CSMD1: variants seen among roughly 807,000 people sequenced by gnomAD.
CSMD1 encodes CUB and Sushi multiple domains 1.
A neutral mutation model predicts 417.5 loss-of-function variants in CSMD1; 213 were observed. That is an observed-to-expected ratio of 0.51 (90% CI 0.46 to 0.57). The LOEUF (loss-of-function observed/expected upper bound fraction) is 0.57, where lower values mean the gene tolerates loss of function less well. Ranked by LOEUF, CSMD1 falls within the 20% of genes least tolerant of loss-of-function variation. CSMD1 has a pLI of 0.00. For synonymous variants in CSMD1, 2,862 were observed against 1,736.8 expected, an observed-to-expected ratio of 1.65 and a Z score of -16.11; for missense variants, 6,923 against 4,529.7, an observed-to-expected ratio of 1.53 and a Z score of -15.17.
chr8:3,805,314 C>G (rs1333139920), intron 5 of CSMD1, among the ~76,000 whole-genome samples: 2 of 152,132 alleles, frequency 1.3e-5, no homozygotes, highest in Non-Finnish European at 2.9e-5. Context: ...AGGACACCAG[C>G]CTCAAAGGCA....
intron 7 of CSMD1, among the ~76,000 whole-genome samples, chr8:3,619,594 G>GTTCATT (rs1458328614): frequency 6.6e-6 from 1 of 152,018 alleles, no homozygotes; most frequent in Non-Finnish European, 1.5e-5. Flanking sequence ...CAAATTCAAG[G>GTTCATT]AGATTAATGA....
At chr8:4,313,294 T>G (rs920276879) in intron 3 of CSMD1, among the ~76,000 whole-genome samples, 1 of 152,074 alleles carries the variant, frequency 6.6e-6, no homozygotes, top group African/African-American at 2.4e-5. Context: ...ATGCGAAGAA[T>G]CTGGTTAATA....
intron 8 of CSMD1, among the ~76,000 whole-genome samples, chr8:3,595,192 C>T (rs1427754687): frequency 6.6e-6 from 1 of 152,128 alleles, no homozygotes; most frequent in Non-Finnish European, 1.5e-5. Flanking sequence ...GGGACACGAT[C>T]CTAATAAGCA....
At chr8:3,459,872 T>TA (rs140950680) in intron 12 of CSMD1, among the ~76,000 whole-genome samples, 4,899 of 151,172 alleles carry the variant, frequency 0.032, 136 homozygotes, top group East Asian at 0.12. Flanking sequence ...AACTAAGACT[T>TA]AAAAAAAAAC....
chr8:4,543,670 T>C (rs1018952086), intron 2 of CSMD1, among the ~76,000 whole-genome samples: 2 of 71,056 alleles, frequency 2.8e-5, no homozygotes, highest in Non-Finnish European at 5.3e-5. Flanking sequence ...CGTTTAATTT[T>C]GAAAAAAAAA....
intron 4 of CSMD1, among the ~76,000 whole-genome samples, chr8:4,019,450 C>G (rs199592648): frequency 4.6e-5 from 1 of 21,720 alleles, no homozygotes; most frequent in Non-Finnish European, 8.5e-5. Flanking sequence ...GGGAACATTC[C>G]CTTATTAGGG....
intron 10 of CSMD1, among the ~76,000 whole-genome samples, chr8:3,558,669 G>C (rs574310312): frequency 9.7e-5 from 14 of 144,126 alleles, no homozygotes; most frequent in Non-Finnish European, 1.7e-4. Context: ...AATGATGAAC[G>C]GTGTCTCAAT....
intron 1 of CSMD1, among the ~76,000 whole-genome samples, chr8:4,851,633 G>C (rs960359093): frequency 1.3e-5 from 2 of 151,950 alleles, no homozygotes; most frequent in Non-Finnish European, 2.9e-5. Context: ...AATAATCTAT[G>C]GGATTACCTG....
At chr8:4,800,438 CAAAA>C (rs11463488) in intron 1 of CSMD1, among the ~76,000 whole-genome samples, 2 of 115,048 alleles carry the variant, frequency 1.7e-5, no homozygotes, top group Admixed American at 9.4e-5. Context: ...GACTTCATCT[CAAAA>C]AAAAAAAAAA....
chr8:3,325,902 C>T, intron 23 of CSMD1, among the ~76,000 whole-genome samples: 1 of 152,150 alleles, frequency 6.6e-6, no homozygotes, highest in Non-Finnish European at 1.5e-5. Flanking sequence ...ATCAGATCAT[C>T]ACAAAATATA....
chr8:3,761,475 C>A (rs1031221873), intron 5 of CSMD1, among the ~76,000 whole-genome samples: 2 of 147,238 alleles, frequency 1.4e-5, no homozygotes, highest in African/African-American at 2.5e-5. Context: ...AGTTTTCATT[C>A]AACAGTTCTT....
intron 7 of CSMD1, among the ~76,000 whole-genome samples, chr8:3,643,527 C>G (rs889051640): frequency 3.2e-4 from 48 of 151,814 alleles, no homozygotes; most frequent in Admixed American, 3.1e-3. Flanking sequence ...ACAGTGAAAT[C>G]CAGTCTCTAC....
chr8:3,197,465 T>A, intron 33 of CSMD1, among the ~76,000 whole-genome samples: 1 of 8,570 alleles, frequency 1.2e-4, no homozygotes, highest in South Asian at 1.8e-3. Context: ...TCAAATAATT[T>A]TTTTTTTTTT....
intron 2 of CSMD1, among the ~76,000 whole-genome samples, chr8:4,447,609 C>G (rs924207729): frequency 6.6e-6 from 1 of 152,172 alleles, no homozygotes. Flanking sequence ...TAATACTTCC[C>G]ACTTGACTAA....
chr8:3,819,768 A>G (rs532651735), intron 5 of CSMD1, among the ~76,000 whole-genome samples: 11 of 152,134 alleles, frequency 7.2e-5, no homozygotes, highest in Non-Finnish European at 1.2e-4. Flanking sequence ...TTTAAAAATT[A>G]TATAGAGATG....
intron 5 of CSMD1, among the ~76,000 whole-genome samples, chr8:3,791,548 G>A (rs1585004175): frequency 6.6e-6 from 1 of 152,214 alleles, no homozygotes. Flanking sequence ...AACAGGCCGG[G>A]CATGGTGGCT....
At chr8:4,041,927 T>A (rs536572865) in intron 3 of CSMD1, among the ~76,000 whole-genome samples, 112 of 152,060 alleles carry the variant, frequency 7.4e-4, no homozygotes, top group African/African-American at 2.6e-3. Context: ...TTAATGAACA[T>A]GTAGAGATAG....
intron 67 of CSMD1, 83 bp downstream of exon 67, chr8:2,950,148 C>T (rs2128918821): frequency 1.1e-6 from 1 of 889,524 alleles, no homozygotes; most frequent in East Asian, 2.4e-5. Flanking sequence ...TACTCAGAAG[C>T]CTCCAATCCG....
At chr8:3,910,514 T>A (rs1808396342) in intron 5 of CSMD1, among the ~76,000 whole-genome samples, 1 of 152,158 alleles carries the variant, frequency 6.6e-6, no homozygotes, top group Non-Finnish European at 1.5e-5. Flanking sequence ...TTATACAAAT[T>A]TTACAAAGAA....
Sources: allele counts gnomAD v4.1 joint callset (sites outside exome capture counted in the v4.1 genomes callset), GRCh38; gene constraint gnomAD v4.1.1; transcripts MANE v1.5; gene names NCBI Gene and HGNC (gene_info 2026-07-23, HGNC 2026-07-21).